The following BEST3 variants were observed in gnomAD, a reference collection of about 807,000 sequenced individuals.
BEST3 encodes bestrophin-3.
In BEST3, 50 loss-of-function variants were observed where a neutral mutation model predicts 47.1. The ratio of observed to expected loss-of-function variants is 1.06; its 90% confidence interval spans 0.85 to 1.34. The LOEUF (loss-of-function observed/expected upper bound fraction) is 1.34, where lower values mean the gene tolerates loss of function less well. BEST3 is among the 40% of genes most tolerant of loss of function. The pLI is 0.00. For synonymous variants in BEST3, 282 were observed against 298.8 expected (o/e 0.94, Z 0.58); for missense variants, 765 against 817.0 (o/e 0.94, Z 0.78).
intron 4 of BEST3, among the ~76,000 whole-genome samples, chr12:69,689,502 AGTT>A (rs1470195916): frequency 2.0e-5 from 3 of 152,234 alleles, no homozygotes; most frequent in Non-Finnish European, 1.5e-5. Flanking sequence ...AGAAGAAAGT[AGTT>A]ATCTTCAAAA....
At chr12:69,691,664 C>T (rs11836914) in intron 4 of BEST3, among the ~76,000 whole-genome samples, 49,358 of 151,814 alleles carry the variant, frequency 0.33, 8,768 homozygotes, top group South Asian at 0.55. Flanking sequence ...TGGTGGTGTG[C>T]GCCTGTAGTC....
At chr12:69,696,044 C>T (rs566722003) in intron 2 of BEST3, among the ~76,000 whole-genome samples, 1 of 152,016 alleles carries the variant, frequency 6.6e-6, no homozygotes, top group Admixed American at 6.6e-5. Flanking sequence ...TAATTATGTA[C>T]CTATAATAGA....
intron 9 of BEST3, among the ~76,000 whole-genome samples, chr12:69,647,676 C>T (rs923297505): frequency 6.6e-6 from 1 of 151,860 alleles, no homozygotes; most frequent in African/African-American, 2.4e-5. Context: ...AAAATGTAGG[C>T]GAATATCATG....
At chr12:69,678,636 C>T (rs934416988) in intron 5 of BEST3, 103 bp downstream of exon 5, 2 of 1,120,840 alleles carry the variant, frequency 1.8e-6, no homozygotes, top group African/African-American at 1.6e-5. Flanking sequence ...TCCTCTGGAA[C>T]CAGGACTGAA....
At chr12:69,666,313 T>C (rs1884215370) in intron 9 of BEST3, among the ~76,000 whole-genome samples, 1 of 152,230 alleles carries the variant, frequency 6.6e-6, no homozygotes, top group Non-Finnish European at 1.5e-5. Flanking sequence ...CCATCATGTC[T>C]GGCCCGGTTT....
chr12:69,687,663 C>CAAAAAAAAAAA, intron 4 of BEST3, among the ~76,000 whole-genome samples: 1 of 126,650 alleles, frequency 7.9e-6, no homozygotes, highest in Non-Finnish European at 1.6e-5. Context: ...GAACGTGTCT[C>CAAAAAAAAAAA]AAAAAAAAAA....
intron 7 of BEST3, among the ~76,000 whole-genome samples, chr12:69,675,971 T>G (rs1360037571): frequency 1.3e-5 from 2 of 152,232 alleles, no homozygotes; most frequent in Non-Finnish European, 2.9e-5. Context: ...TGCCTTTGAA[T>G]GAACTTAATG....
rs1883329779 is a variant in BEST3, at chr12:69,654,407, T to C, written c.*500A>G. On this transcript the variant is annotated 3_prime_UTR_variant, in exon 10 of 10. Transcript: ENST00000330891. The stretch of plus-strand genomic sequence containing the variant: ...AGTTATAAAAGTAGGAATGAGATGG[T>C]TAGAAAGCCTCAAACAAAAACGTTA... The C allele has an allele frequency of 2.0e-6, 2 of 985,822 alleles. No individual in the cohort carries two copies. Among genetic ancestry groups the C allele is most frequent in the Non-Finnish European group, 2.4e-6 (2 of 830,350 alleles). The allele number at this position is 985,822 out of a possible 1,614,324, so 61.1% of individuals were successfully genotyped here.
In BEST3 at chr12:69,654,399, T is replaced by C. The variant is rs556841871; in HGVS notation, c.*508A>G. On this transcript the variant is annotated 3_prime_UTR_variant, in exon 10 of 10. Transcript: ENST00000330891. ...ACAATAATAGTTATAAAAGTAGGAA[T>C]GAGATGGTTAGAAAGCCTCAAACAA... is the stretch of plus-strand genomic sequence containing the variant. 1.0e-6 allele frequency: 1 copy of C among 985,608 alleles called. No individual in the cohort carries two copies. The highest frequency in any genetic ancestry group is 4.7e-5 in the South Asian group (1 of 21,286). The allele number at this position is 985,608 out of a possible 1,614,324, so 61.1% of individuals were successfully genotyped here.
chr12:69,651,482 A>T (rs1017659483), downstream of BEST3, among the ~76,000 whole-genome samples: 3 of 152,180 alleles, frequency 2.0e-5, no homozygotes, highest in Admixed American at 6.5e-5. Flanking sequence ...ATGACTTAAA[A>T]TGGAATCAAA....
In BEST3 at chr12:69,697,771, C is replaced by T. The variant is rs779480082; in HGVS notation, c.28G>A (p.Ala10Thr). MTVTYSSKV[A>T]NATFFGFHRL... ...TGAAATCCAAAAAAAGTTGCATTTG[C>T]TACTTTACTGGAGTAAGTGACAGTC... is the stretch of plus-strand genomic sequence containing the variant. The change falls in exon 2 of 10, where the codon GCA (alanine) becomes ACA (threonine). Residue 10 changes from alanine to threonine, a missense_variant. Physicochemically the swap from Ala to Thr is moderately conservative, Grantham distance 58 (BLOSUM62 0). Coordinates refer to ENST00000330891, the MANE Select transcript of BEST3 (RefSeq NM_032735.3). The T allele has an allele frequency of 6.2e-6, 10 of 1,612,252 alleles. No homozygotes were observed. Among genetic ancestry groups the T allele is most frequent in the East Asian group, 2.2e-5 (1 of 44,836 alleles).
In BEST3 at chr12:69,654,397, A is replaced by G. The variant is rs1883327810; in HGVS notation, c.*510T>C. ...TAACAATAATAGTTATAAAAGTAGG[A>G]ATGAGATGGTTAGAAAGCCTCAAAC... is the stretch of plus-strand genomic sequence containing the variant. On this transcript the variant is annotated 3_prime_UTR_variant, in exon 10 of 10. Coordinates refer to ENST00000330891, the MANE Select transcript of BEST3 (RefSeq NM_032735.3). The G allele has an allele frequency of 1.7e-5, 17 of 985,720 alleles. No individual in the cohort carries two copies. Among genetic ancestry groups the G allele is most frequent in the Non-Finnish European group, 2.0e-5 (17 of 830,176 alleles). The allele number at this position is 985,720 out of a possible 1,614,324, so 61.1% of individuals were successfully genotyped here. A position where few individuals can be genotyped will look rare whatever the true frequency, so the allele number is the denominator to read the frequency against.
intron 9 of BEST3, among the ~76,000 whole-genome samples, chr12:69,644,239 C>T (rs1248486537): frequency 3.3e-5 from 5 of 152,230 alleles, no homozygotes; most frequent in Non-Finnish European, 7.3e-5. Context: ...TAATTGTCAG[C>T]TCTGTGACAT....
In BEST3 at chr12:69,654,289, G is replaced by A; in HGVS notation, c.*618C>T. 4.1e-6 allele frequency: 4 copies of A among 984,712 alleles called. No homozygotes were observed. The highest frequency in any genetic ancestry group is 4.8e-6 in the Non-Finnish European group (4 of 829,280). The allele number at this position is 984,712 out of a possible 1,614,324, so 61.0% of individuals were successfully genotyped here. The stretch of plus-strand genomic sequence containing the variant: ...GAAAAAAAGGATGACAGAATAAAAG[G>A]AAAAGAGAGAAAAGTAAAAAAGGAA... On this transcript the variant is annotated 3_prime_UTR_variant, in exon 10 of 10. Transcript: ENST00000330891.
At chr12:69,657,687 A>G (rs1002524885) in intron 9 of BEST3, among the ~76,000 whole-genome samples, 1 of 152,176 alleles carries the variant, frequency 6.6e-6, no homozygotes, top group Non-Finnish European at 1.5e-5. Context: ...ATGTGACATG[A>G]AGGAGAACAT....
At chr12:69,648,165 G>A (rs925858013) in intron 9 of BEST3, among the ~76,000 whole-genome samples, 4 of 152,160 alleles carry the variant, frequency 2.6e-5, no homozygotes, top group Admixed American at 6.5e-5. Context: ...CAATCTGTTC[G>A]TGGGTCTACA....
At chr12:69,670,581 G>A in intron 9 of BEST3, 3 of 702,444 alleles carry the variant, frequency 4.3e-6, no homozygotes, top group Non-Finnish European at 7.8e-6. Flanking sequence ...GAGATCTCCT[G>A]AAAGTAGAAG....
At chr12:69,697,856 T>TA in intron 1 of BEST3, 43 bp from the exon 2 acceptor site, 1 of 1,494,794 alleles carries the variant, frequency 6.7e-7, no homozygotes, top group Non-Finnish European at 9.1e-7. Context: ...AAGCAATGTT[T>TA]AAAATAGGGC....
At chr12:69,659,708 T>C (rs1640085855) in intron 9 of BEST3, among the ~76,000 whole-genome samples, 1 of 10,298 alleles carries the variant, frequency 9.7e-5, no homozygotes, top group African/African-American at 1.8e-4. Context: ...TAAATTTTAG[T>C]TTCTTTTATT....
Sources: gnomAD v4.1 joint callset for allele counts (sites outside exome capture counted in the v4.1 genomes callset) on GRCh38, gnomAD v4.1.1 for gene constraint, MANE v1.5 for transcripts, NCBI Gene and HGNC (gene_info 2026-07-23, HGNC 2026-07-21) for gene names.